AXL: variants seen among roughly 807,000 people sequenced by gnomAD.
AXL encodes the protein AXL receptor tyrosine kinase.
In AXL, 52 loss-of-function variants were observed where a neutral mutation model predicts 104.5. That is an observed-to-expected ratio of 0.50 (90% confidence interval 0.40 to 0.63). The LOEUF (loss-of-function observed/expected upper bound fraction) is 0.63, where lower values mean the gene tolerates loss of function less well. Ranked by LOEUF, AXL falls within the 20% of genes least tolerant of loss-of-function variation. The pLI is 0.00. For missense variants in AXL, 1,024 were observed against 1,188.5 expected (o/e 0.86, Z 2.04); for synonymous variants, 455 against 473.7 (o/e 0.96, Z 0.51).
intron 4 of AXL, among the ~76,000 whole-genome samples, chr19:41,224,403 C>T (rs536852362): frequency 1.2e-4 from 18 of 152,022 alleles, no homozygotes; most frequent in East Asian, 9.7e-4. Context: ...GATAAGCTCC[C>T]GCTGTGTAAC....
At chr19:41,241,261 G>A (rs1434112438) in intron 10 of AXL, among the ~76,000 whole-genome samples, 2 of 152,130 alleles carry the variant, frequency 1.3e-5, no homozygotes, top group Non-Finnish European at 2.9e-5. Flanking sequence ...AACCATTGTG[G>A]CCGGGTGCAA....
chr19:41,256,540 G>A lies in AXL; in HGVS notation c.2125G>A (p.Ala709Thr), dbSNP rs1159339376. The change falls in exon 18 of 20, where the codon GCC becomes ACC. Residue 709 changes from alanine (A) to threonine (T), a missense_variant. By Grantham distance (58) the Ala-to-Thr change is moderately conservative. Coordinates refer to ENST00000301178, the MANE Select transcript of AXL (RefSeq NM_021913.5). The part of the protein sequence containing the change: ...NGDYYRQGRI[A>T]KMPVKWIAIE... ...GGACTACTACCGCCAGGGACGTATC[G>A]CCAAGATGCCAGTCAAGTGGATTGC... The A allele has an allele frequency of 1.1e-5, 17 of 1,614,194 alleles. No homozygotes were observed. The highest frequency in any genetic ancestry group is 1.4e-5 in the Non-Finnish European group (16 of 1,180,034).
At chr19:41,255,007 G>C (rs921981588) in intron 17 of AXL, among the ~76,000 whole-genome samples, 1 of 152,218 alleles carries the variant, frequency 6.6e-6, no homozygotes, top group Non-Finnish European at 1.5e-5. Context: ...GTAACCACTA[G>C]ATGAAGGTAA....
Position 41,230,923 on chromosome 19 carries a change from T to C in AXL, c.587-44T>C, listed in dbSNP as rs748611520. ...CCCGGCATGGCCCCGGAGCCCTTCC[T>C]GCCCCTCTCTGATATTGGACCCTTC... On this transcript the variant is annotated intron_variant, in intron 4 of 19. Transcript: ENST00000301178. The C allele has an allele frequency of 2.5e-6, 4 of 1,598,426 alleles. No homozygotes were observed. The Admixed American group carries it at 6.7e-5, about 27-fold the overall frequency.
Position 41,238,496 on chromosome 19 carries a change from A to G in AXL, c.1021A>G (p.Ser341Gly). Reference protein sequence around the residue: ...GVPLGPPENISATRNGSQAFV... With the variant: ...GVPLGPPENIGATRNGSQAFV... ...GCCCCTGGGCCCCCCTGAGAACATT[A>G]GTGCTACGCGGAATGGGAGCCAGGC... The change falls in exon 8 of 20, where the codon AGT becomes GGT. Residue 341 changes from serine to glycine, a missense_variant. Transcript: ENST00000301178. 1.2e-6 allele frequency: 2 copies of G among 1,613,724 alleles called. No homozygotes were observed. The highest frequency in any genetic ancestry group is 1.7e-6 in the Non-Finnish European group (2 of 1,179,714).
Position 41,221,978 on chromosome 19 carries a change from G to C in AXL, c.508G>C (p.Asp170His). 6.2e-7 allele frequency: 1 copy of C among 1,611,404 alleles called. No homozygotes were observed. The highest frequency in any genetic ancestry group is 8.5e-7 in the Non-Finnish European group (1 of 1,178,998). Residue 170 changes from aspartate to histidine, a missense_variant, in exon 4 of 20, where the codon GAC (aspartate) becomes CAC (histidine). This residue lies in a region of AXL where 332 missense variants were observed against 343.9 expected (regional missense o/e 0.97). Coordinates refer to ENST00000301178, the MANE Select transcript of AXL (RefSeq NM_021913.5). Reference sequence around the variant, plus strand: ...AGCTCAGGGACCCCCAGAGCCCGTGGACCTACTCTGGCTCCAGGATGCTGT... The same window carrying C: ...AGCTCAGGGACCCCCAGAGCCCGTGCACCTACTCTGGCTCCAGGATGCTGT... ...CQAQGPPEPV[D>H]LLWLQDAVPL...
intron 14 of AXL, among the ~76,000 whole-genome samples, chr19:41,251,969 C>G (rs1207613100): frequency 6.6e-6 from 1 of 150,678 alleles, no homozygotes; most frequent in Admixed American, 6.6e-5. Flanking sequence ...AAAAATTAGC[C>G]GGGTGTGGTG....
intron 4 of AXL, chr19:41,226,639 C>T (rs2033887237): frequency 4.4e-6 from 3 of 677,754 alleles, no homozygotes; most frequent in Non-Finnish European, 5.5e-6. Flanking sequence ...CGTACACGCA[C>T]GGAGCAAACA....
At chr19:41,240,534 T>C (rs2034164639) in intron 10 of AXL, among the ~76,000 whole-genome samples, 1 of 152,118 alleles carries the variant, frequency 6.6e-6, no homozygotes, top group African/African-American at 2.4e-5. Flanking sequence ...AATATTTCTC[T>C]AACAATTCTC....
chr19:41,245,174 A>G (rs1213365862), intron 12 of AXL, among the ~76,000 whole-genome samples: 1 of 151,904 alleles, frequency 6.6e-6, no homozygotes, highest in Non-Finnish European at 1.5e-5. Flanking sequence ...CGTGCCTCCC[A>G]AAGTGCTGGG....
At chr19:41,221,084 G>A in intron 2 of AXL, 62 bp from the exon 3 acceptor site, 2 of 1,481,754 alleles carry the variant, frequency 1.3e-6, no homozygotes, top group Non-Finnish European at 9.3e-7. Context: ...CGTTCTGACA[G>A]ACCCCCTCCC....
chr19:41,248,240 C>T (rs1360203377), intron 12 of AXL, among the ~76,000 whole-genome samples: 1 of 152,198 alleles, frequency 6.6e-6, no homozygotes, highest in Non-Finnish European at 1.5e-5. Flanking sequence ...ATATTTTTAA[C>T]AACTGGTACA....
At chr19:41,235,396 A>T (rs1278390152) in intron 6 of AXL, among the ~76,000 whole-genome samples, 1 of 106,416 alleles carries the variant, frequency 9.4e-6, no homozygotes, top group Non-Finnish European at 2.2e-5. Flanking sequence ...ATAGATAGAT[A>T]GATAGATAGA....
At chr19:41,233,642 A>C (rs1344093095) in intron 6 of AXL, among the ~76,000 whole-genome samples, 13 of 148,402 alleles carry the variant, frequency 8.8e-5, no homozygotes, top group Admixed American at 2.7e-4. Context: ...AAAAAAAAAA[A>C]CAAAAAACAG....
At chr19:41,246,049 C>G (rs999533014) in intron 12 of AXL, among the ~76,000 whole-genome samples, 1 of 152,180 alleles carries the variant, frequency 6.6e-6, no homozygotes, top group East Asian at 1.9e-4. Context: ...CTTTCTCATT[C>G]TCTCATTAGC....
chr19:41,219,390 C>A lies in AXL; in HGVS notation c.-3C>A. ...AACAACTTCTGAGGAAAGTTTGGCA[C>A]CCATGGCGTGGCGGTGCCCCAGGAT... On this transcript the variant is annotated 5_prime_UTR_variant, in exon 1 of 20. Transcript: ENST00000301178. 1 of 1,592,018 alleles carries A rather than the reference C, an allele frequency of 6.3e-7. No individual in the cohort carries two copies. Among genetic ancestry groups the A allele is most frequent in the Non-Finnish European group, 8.5e-7 (1 of 1,169,784 alleles).
rs1262044971 is a variant in AXL at position 41,252,401 on chromosome 19, T to C, written c.1762T>C (p.Cys588Arg). 1 of 1,614,034 alleles carries C rather than the reference T, an allele frequency of 6.2e-7. No individual in the cohort carries two copies. Residue 588 changes from cysteine to arginine, a missense_variant, in exon 15 of 20, where the codon TGC (cysteine) becomes CGC (arginine). Physicochemically the swap from Cys to Arg is radical, Grantham distance 180. Coordinates refer to ENST00000301178, the MANE Select transcript of AXL (RefSeq NM_021913.5). ...ELEDFLSEAV[C>R]MKEFDHPNVM... ...GGAGGATTTCCTGAGTGAAGCGGTCTGCATGAAGGAATTTGACCATCCCAA... is the reference window on the plus strand; with the variant it reads ...GGAGGATTTCCTGAGTGAAGCGGTCCGCATGAAGGAATTTGACCATCCCAA...
At chr19:41,255,516 C>G (rs539324794) in intron 17 of AXL, among the ~76,000 whole-genome samples, 1 of 151,994 alleles carries the variant, frequency 6.6e-6, no homozygotes, top group Admixed American at 6.6e-5. Context: ...TCATAGCTCA[C>G]TGTAGCCTCC....
In AXL at chr19:41,220,922, T is replaced by C; in HGVS notation, c.308+64T>C. On this transcript the variant is annotated intron_variant, in intron 2 of 19. Transcript: ENST00000301178. ...TCACACAGAGGGCAGAAAGCCCACC[T>C]GGGTGGGAACCCCAGTTTGACCACT... 5 of 1,559,878 alleles carry C rather than the reference T, an allele frequency of 3.2e-6. No homozygotes were observed. In the South Asian group the frequency reaches 4.7e-5, roughly 15 times the overall value.
Sources: allele counts gnomAD v4.1 joint callset (sites outside exome capture counted in the v4.1 genomes callset), GRCh38; gene constraint gnomAD v4.1.1; regional missense constraint gnomAD v4.1.1; transcripts MANE v1.5; gene names NCBI Gene and HGNC (gene_info 2026-07-23, HGNC 2026-07-21).